ITIH1: variants seen among roughly 807,000 people sequenced by gnomAD.
ITIH1 encodes inter-alpha-trypsin inhibitor heavy chain H1.
In ITIH1, 94 loss-of-function variants were observed where a neutral mutation model predicts 104.6. That is an observed-to-expected ratio of 0.90 (90% CI 0.76 to 1.07). The LOEUF is 1.07. Among genes scored for constraint, ITIH1 ranks in the 50% least tolerant of loss-of-function variants. ITIH1 has a pLI of 0.00. For synonymous variants in ITIH1, 455 were observed against 464.4 expected (o/e 0.98, Z 0.26); for missense variants, 1,193 against 1,181.4 (o/e 1.01, Z -0.14).
Position 52,788,215 on chromosome 3 carries a change from C to G in ITIH1, c.2006-17C>G. 1 of 1,586,950 alleles carries G rather than the reference C, an allele frequency of 6.3e-7. No individual in the cohort carries two copies. Among genetic ancestry groups the G allele is most frequent in the Non-Finnish European group, 8.6e-7 (1 of 1,158,374 alleles). ...TGCCCGATGTCCAATCTAACGAATT[C>G]CATGCTGTGCCCCCAGTGGACACAG... On this transcript the variant is annotated splice_polypyrimidine_tract_variant and intron_variant, in intron 17 of 21. Transcript: ENST00000273283.
intron 10 of ITIH1, 68 bp from the exon 11 acceptor site, chr3:52,784,228 A>G: frequency 7.1e-7 from 1 of 1,402,322 alleles, no homozygotes; most frequent in Non-Finnish European, 9.8e-7. Context: ...AGTGTTCCCC[A>G]GAGCCCCCTC....
At chr3:52,781,196 TC>T (rs1186185738) in intron 6 of ITIH1, among the ~76,000 whole-genome samples, 38 of 89,984 alleles carry the variant, frequency 4.2e-4, no homozygotes, top group East Asian at 2.2e-3. Flanking sequence ...CTCCTCCTCT[TC>T]TTTTTTTTTT....
Position 52,789,716 on chromosome 3 carries a change from C to T in ITIH1, c.2183C>T (p.Thr728Met), listed in dbSNP as rs552736740. The change falls in exon 19 of 22, where the codon ACG becomes ATG. Residue 728 changes from threonine to methionine, a missense_variant. Transcript: ENST00000273283. ...AGGAGCCCTGGGCAGCATGACGGCA[C>T]GTACTTCGGGCGGCTGGGAATCGCA... ...KARSPGQHDG[T>M]YFGRLGIANP... The T allele has an allele frequency of 3.7e-5, 59 of 1,614,172 alleles. No homozygotes were observed. In the African/African-American group the frequency reaches 5.5e-4, roughly 15 times the overall value.
intron 19 of ITIH1, chr3:52,790,094 C>T (rs982470654): frequency 5.0e-5 from 28 of 558,770 alleles, no homozygotes; most frequent in Admixed American, 9.3e-5. Context: ...CTGAATGCCA[C>T]CCCTGTCTCT....
At chr3:52,780,102 G>T in intron 5 of ITIH1, 167 bp from the exon 6 acceptor site, 1 of 925,564 alleles carries the variant, frequency 1.1e-6, no homozygotes, top group Non-Finnish European at 1.6e-6. Flanking sequence ...TGGTGAGTGG[G>T]AGCCCTGGTA....
rs1364839976 is a variant in ITIH1 at position 52,780,265 on chromosome 3, G to T, written c.574-4G>T. Reference sequence around the variant, plus strand: ...TAAAAAAATAATTTGCTTCAATGTTGCAGATTGATGTGGACATCTTCGAGC... The same window carrying T: ...TAAAAAAATAATTTGCTTCAATGTTTCAGATTGATGTGGACATCTTCGAGC... On this transcript the variant is annotated splice_polypyrimidine_tract_variant and splice_region_variant and intron_variant, in intron 5 of 21. Coordinates refer to ENST00000273283, the MANE Select transcript of ITIH1 (RefSeq NM_002215.4). The T allele has an allele frequency of 6.3e-7, 1 of 1,597,754 alleles. No individual in the cohort carries two copies. Among genetic ancestry groups the T allele is most frequent in the Non-Finnish European group, 8.6e-7 (1 of 1,167,746 alleles).
rs1343607929 is a variant in ITIH1 at position 52,783,051 on chromosome 3, G to A, written c.1025G>A (p.Gly342Asp). 1.9e-6 allele frequency: 3 copies of A among 1,613,940 alleles called. No individual in the cohort carries two copies. Among genetic ancestry groups the A allele is most frequent in the Non-Finnish European group, 2.5e-6 (3 of 1,180,022 alleles). ...LFGTRVQSWKGSLVQASEANL... is the reference protein window; with the variant it reads ...LFGTRVQSWKDSLVQASEANL... ...GGGACTCGAGTACAATCGTGGAAGG[G>A]CTCGCTGGTGCAAGCATCTGAGGCC... Residue 342 changes from glycine (G) to aspartate (D), a missense_variant, in exon 9 of 22, where the codon GGC becomes GAC. By Grantham distance (94) the Gly-to-Asp change is moderately conservative. Transcript: ENST00000273283.
At chr3:52,780,123 T>C in intron 5 of ITIH1, 146 bp from the exon 6 acceptor site, 2 of 915,374 alleles carry the variant, frequency 2.2e-6, no homozygotes, top group East Asian at 5.3e-5. Context: ...GAGAATTTGC[T>C]TCAGTGTGGT....
intron 17 of ITIH1, 78 bp from the exon 18 acceptor site, chr3:52,788,154 T>C: frequency 2.6e-6 from 4 of 1,511,076 alleles, no homozygotes; most frequent in Non-Finnish European, 3.7e-6. Flanking sequence ...CTCTGGGACC[T>C]GCCTAGCTGA....
rs762225776 is a variant in ITIH1, at chr3:52,780,308, C to A, written c.613C>A (p.Leu205Met). ...DIFEPQGISK[L>M]DAQASFLPKE... ...CTTCGAGCCCCAGGGGATCAGCAAG[C>A]TGGATGCCCAGGCCTCTTTCCTGCC... The change falls in exon 6 of 22, where the codon CTG becomes ATG. Residue 205 changes from leucine (L) to methionine (M), a missense_variant. Leu to Met is a conservative substitution (Grantham distance 15). Coordinates refer to ENST00000273283, the MANE Select transcript of ITIH1 (RefSeq NM_002215.4). The A allele has an allele frequency of 7.4e-6, 12 of 1,614,086 alleles. No homozygotes were observed. Among genetic ancestry groups the A allele is most frequent in the Non-Finnish European group, 1.0e-5 (12 of 1,179,952 alleles).
chr3:52,787,742 G>A, intron 16 of ITIH1, 130 bp downstream of exon 16: 1 of 1,156,576 alleles, frequency 8.6e-7, no homozygotes, highest in Non-Finnish European at 1.3e-6. Context: ...CCTCTGAACA[G>A]CCTGGCCTCC....
At chr3:52,787,532 C>T in intron 15 of ITIH1, 60 bp from the exon 16 acceptor site, 1 of 1,605,086 alleles carries the variant, frequency 6.2e-7, no homozygotes, top group Non-Finnish European at 8.5e-7. Context: ...AGCTGCATGC[C>T]TTTCGTGTGG....
chr3:52,777,824 T>TCACCCCCAC, intron 1 of ITIH1, 92 bp downstream of exon 1: 1 of 1,366,430 alleles, frequency 7.3e-7, no homozygotes, highest in Non-Finnish European at 1.0e-6. Context: ...GGGGCCAGGG[T>TCACCCCCAC]CACCCCCACC....
At chr3:52,783,974 A>C (rs1489885931) in intron 10 of ITIH1, among the ~76,000 whole-genome samples, 1 of 152,136 alleles carries the variant, frequency 6.6e-6, no homozygotes, top group Non-Finnish European at 1.5e-5. Context: ...AACTGTGGGC[A>C]TGTGCAGAAT....
chr3:52,779,189 G>A lies in ITIH1; in HGVS notation c.410+143G>A, dbSNP rs1016491258. ...ACTGCCCAAACCCAGATGCCAGCAC[G>A]GTGCACTGAACAGGCTGCCGTGCAG... On this transcript the variant is annotated intron_variant, in intron 4 of 21. Coordinates refer to ENST00000273283, the MANE Select transcript of ITIH1 (RefSeq NM_002215.4). The surrounding 1 kb of genome is among the most constrained non-coding windows in gnomAD (Gnocchi z 4.4). 2.5e-5 allele frequency: 19 copies of A among 745,822 alleles called. No individual in the cohort carries two copies. The highest frequency in any genetic ancestry group is 1.9e-4 in the African/African-American group (11 of 57,908). The allele number at this position is 745,822 out of a possible 1,614,324, so 46.2% of individuals were successfully genotyped here.
At chr3:52,787,836 G>C in intron 16 of ITIH1, 150 bp from the exon 17 acceptor site, 1 of 928,904 alleles carries the variant, frequency 1.1e-6, no homozygotes, top group Non-Finnish European at 1.8e-6. Context: ...TGTCCCGGGA[G>C]CCAATCAAGG....
intron 21 of ITIH1, 42 bp downstream of exon 21, chr3:52,791,670 T>C: frequency 6.2e-7 from 1 of 1,610,282 alleles, no homozygotes; most frequent in Non-Finnish European, 8.5e-7. Flanking sequence ...CTCGGCCACT[T>C]TGTAGTTCTT....
chr3:52,781,243 TCTTCTTC>T (rs1219199696), intron 6 of ITIH1, among the ~76,000 whole-genome samples: 2 of 107,136 alleles, frequency 1.9e-5, no homozygotes, highest in Admixed American at 2.2e-4. Context: ...TTCTTCTTCT[TCTTCTTC>T]TTCTTCTTCT....
Position 52,784,480 on chromosome 3 carries a change from C to G in ITIH1, c.1407+3C>G, listed in dbSNP as rs745460462. On this transcript the variant is annotated splice_donor_region_variant and intron_variant, in intron 11 of 21. Transcript: ENST00000273283. ...ATGATGCCACCCAGCAGCTGCAGGTCTCCCCTCACAACCCCCTGTACCTCC... is the reference window on the plus strand; with the variant it reads ...ATGATGCCACCCAGCAGCTGCAGGTGTCCCCTCACAACCCCCTGTACCTCC... 23 of 1,613,188 alleles carry G rather than the reference C, an allele frequency of 1.4e-5. No homozygotes were observed. The South Asian group carries it at 2.5e-4, about 18-fold the overall frequency.
Sources: gnomAD v4.1 joint callset for allele counts (sites outside exome capture counted in the v4.1 genomes callset) on GRCh38, gnomAD v4.1.1 for gene constraint, Gnocchi (gnomAD v3.1) non-coding constraint, MANE v1.5 for transcripts, NCBI Gene and HGNC (gene_info 2026-07-23, HGNC 2026-07-21) for gene names.